The following EFR3B variants were observed in gnomAD, a reference collection of about 807,000 sequenced individuals.
EFR3B encodes the protein protein EFR3 homolog B.
A neutral mutation model predicts 104.7 loss-of-function variants in EFR3B; 64 were observed. The observed-to-expected ratio is 0.61, with a 90% CI of 0.50 to 0.75. The LOEUF (loss-of-function observed/expected upper bound fraction) is 0.75, where lower values mean the gene tolerates loss of function less well. EFR3B is among the 30% of genes least tolerant of loss of function. The pLI is 0.00. For synonymous variants in EFR3B, 385 were observed against 417.9 expected (o/e 0.92, Z 0.96); for missense variants, 750 against 1,078.5 (o/e 0.70, Z 4.27).
At chr2:25,109,305 CACA>C (rs1669654954) in intron 4 of EFR3B, among the ~76,000 whole-genome samples, 1 of 152,022 alleles carries the variant, frequency 6.6e-6, no homozygotes, top group South Asian at 2.1e-4. Context: ...AAATCAAAAC[CACA>C]ACAAGACACC....
intron 2 of EFR3B, among the ~76,000 whole-genome samples, chr2:25,092,101 G>A (rs868837170): frequency 4.6e-5 from 7 of 151,176 alleles, no homozygotes; most frequent in East Asian, 1.9e-4. Flanking sequence ...ACGGAGTTTC[G>A]CTCTGTTGCC....
At chr2:25,144,725 G>T (rs1015173173) in intron 18 of EFR3B, among the ~76,000 whole-genome samples, 7 of 152,178 alleles carry the variant, frequency 4.6e-5, no homozygotes, top group East Asian at 1.9e-4. Flanking sequence ...TTGTGTTCTC[G>T]TTGACGATTT....
intron 1 of EFR3B, among the ~76,000 whole-genome samples, chr2:25,055,821 C>T (rs1443261951): frequency 6.6e-6 from 1 of 152,156 alleles, no homozygotes; most frequent in African/African-American, 2.4e-5. Context: ...AGGGTGGATG[C>T]TGGGAAAATC....
chr2:25,051,632 T>G (rs1667871946), intron 1 of EFR3B, among the ~76,000 whole-genome samples: 1 of 99,272 alleles, frequency 1.0e-5, no homozygotes, highest in Non-Finnish European at 2.2e-5. Context: ...TTTGTGTGTG[T>G]GTGTGTTTTT....
chr2:25,060,329 G>A (rs921862939), intron 1 of EFR3B, among the ~76,000 whole-genome samples: 2 of 152,192 alleles, frequency 1.3e-5, no homozygotes, highest in Admixed American at 1.3e-4. Context: ...AGACCACATC[G>A]ATGGCTTTGT....
intron 1 of EFR3B, among the ~76,000 whole-genome samples, chr2:25,074,104 A>G (rs1037326059): frequency 1.3e-5 from 2 of 152,212 alleles, no homozygotes; most frequent in African/African-American, 4.8e-5. Flanking sequence ...TATATGAGTC[A>G]GCAAATCTTA....
intron 3 of EFR3B, among the ~76,000 whole-genome samples, chr2:25,094,282 CAAAAA>C (rs11455802): frequency 1.1e-5 from 1 of 91,678 alleles, no homozygotes; most frequent in South Asian, 4.4e-4. Context: ...GAGACTGTCT[CAAAAA>C]AAAAAAAAAA....
At chr2:25,143,030 G>T (rs190519602) in intron 17 of EFR3B, among the ~76,000 whole-genome samples, 1 of 147,654 alleles carries the variant, frequency 6.8e-6, no homozygotes, top group African/African-American at 2.5e-5. Context: ...GGCGGGTCAC[G>T]AGGTCAGAAG....
chr2:25,120,454 G>C (rs1669981609), intron 4 of EFR3B, among the ~76,000 whole-genome samples: 1 of 152,052 alleles, frequency 6.6e-6, no homozygotes. Flanking sequence ...GACCATCCTG[G>C]CCAACATGGT....
chr2:25,133,288 T>G, intron 11 of EFR3B, 95 bp from the exon 12 acceptor site: 1 of 1,347,192 alleles, frequency 7.4e-7, no homozygotes, highest in Non-Finnish European at 1.0e-6. Flanking sequence ...ACGATAAGCC[T>G]CATGGAGAAA....
intron 1 of EFR3B, among the ~76,000 whole-genome samples, chr2:25,059,361 G>A (rs1668115916): frequency 6.6e-6 from 1 of 152,042 alleles, no homozygotes; most frequent in African/African-American, 2.4e-5. Context: ...TGGGATTACA[G>A]TCATGAACCA....
chr2:25,109,172 CA>C (rs57184887), intron 4 of EFR3B, among the ~76,000 whole-genome samples: 35,504 of 145,724 alleles, frequency 0.24, 5,401 homozygotes, highest in East Asian at 0.53. Context: ...GACTTAACAA[CA>C]AAAAAAAAAA....
Position 25,149,585 on chromosome 2 carries a change from T to G in EFR3B, c.2143-109T>G, listed in dbSNP as rs1008434262. ...GTGTCCTGAGGGACTTCCTGCCCAC[T>G]GGGACTTTCTTCCAACAAGCAAGGG... On this transcript the variant is annotated intron_variant, in intron 19 of 22. Coordinates refer to ENST00000403714, the MANE Select transcript of EFR3B (RefSeq NM_014971.2). 1.6e-4 allele frequency: 188 copies of G among 1,147,782 alleles called. 1 individual carries two copies. Among genetic ancestry groups the G allele is most frequent in the Middle Eastern group, 7.9e-4 (4 of 5,064 alleles). The allele number at this position is 1,147,782 out of a possible 1,614,324, so 71.1% of individuals were successfully genotyped here.
At chr2:25,045,556 C>T (rs1667690997) in intron 1 of EFR3B, among the ~76,000 whole-genome samples, 1 of 152,012 alleles carries the variant, frequency 6.6e-6, no homozygotes, top group South Asian at 2.1e-4. Flanking sequence ...CTGAGGCGGG[C>T]AGATCACCTG....
At position 25,131,539 on chromosome 2, in the gene EFR3B, C is replaced by A. The variant is rs770005463; in HGVS notation, c.985+36C>A. On this transcript the variant is annotated intron_variant, in intron 9 of 22. Coordinates refer to ENST00000403714, the MANE Select transcript of EFR3B (RefSeq NM_014971.2). This position sits in a 1 kb window ranked among gnomAD's most constrained non-coding sequence, Gnocchi z 7.6. ...TGGCTAGGGCCTGAGGGCCGGGGAC[C>A]CCGCGGAGGCTGCCGCCTCTTACAG... The A allele has an allele frequency of 3.2e-6, 5 of 1,544,132 alleles. No individual in the cohort carries two copies. Among genetic ancestry groups the A allele is most frequent in the Middle Eastern group, 1.7e-4 (1 of 5,960 alleles).
intron 1 of EFR3B, 87 bp from the exon 2 acceptor site, chr2:25,091,238 A>T: frequency 7.8e-7 from 1 of 1,286,082 alleles, no homozygotes; most frequent in Non-Finnish European, 1.1e-6. Flanking sequence ...GTTTCCTGCC[A>T]CTCACAGGCT....
At chr2:25,121,927 A>C (rs1477097280) in intron 5 of EFR3B, 133 bp downstream of exon 5, 1 of 1,245,126 alleles carries the variant, frequency 8.0e-7, no homozygotes, top group Non-Finnish European at 1.1e-6. Flanking sequence ...GTTGCCGGGC[A>C]GGTGGGCCAG....
Position 25,137,540 on chromosome 2 carries a change from CA to C in EFR3B, c.1722+39del. The C allele has an allele frequency of 6.4e-7, 1 of 1,550,862 alleles. No individual in the cohort carries two copies. Among genetic ancestry groups the C allele is most frequent in the Non-Finnish European group, 8.7e-7 (1 of 1,146,488 alleles). On this transcript the variant is annotated intron_variant, in intron 15 of 22. Coordinates refer to ENST00000403714, the MANE Select transcript of EFR3B (RefSeq NM_014971.2). The surrounding 1 kb of genome is among the most constrained non-coding windows in gnomAD (Gnocchi z 4.7). ...GTGCGCAGGGCATGGGGCTTGGGAT[CA>C]GGGGAGGGACTTGTTTTGGGCAAGC...
At chr2:25,080,413 G>A (rs1212496138) in intron 1 of EFR3B, 8 of 513,158 alleles carry the variant, frequency 1.6e-5, no homozygotes, top group Non-Finnish European at 2.4e-5. Context: ...TGCTGCCTCA[G>A]CCTCCTGAGT....
Sources: gnomAD v4.1 joint callset for allele counts (sites outside exome capture counted in the v4.1 genomes callset) on GRCh38, gnomAD v4.1.1 for gene constraint, Gnocchi (gnomAD v3.1) non-coding constraint, MANE v1.5 for transcripts, NCBI Gene and HGNC (gene_info 2026-07-23, HGNC 2026-07-21) for gene names.